Variants in HDAC4 observed in about 807,000 individuals in gnomAD.
HDAC4 encodes the protein histone deacetylase A.
A neutral mutation model predicts 135.1 loss-of-function variants in HDAC4; 16 were observed. The ratio of observed to expected loss-of-function variants is 0.12; its 90% CI spans 0.08 to 0.18. HDAC4 has a LOEUF of 0.18. Among genes scored for constraint, HDAC4 ranks in the 10% least tolerant of loss-of-function variants. HDAC4 has a pLI of 1.00. For missense variants in HDAC4, 1,143 were observed against 1,511.8 expected, an observed-to-expected ratio of 0.76 and a Z score of 4.05; for synonymous variants, 685 against 653.4, an observed-to-expected ratio of 1.05 and a Z score of -0.74.
chr2:239,074,818 C>A (rs940833995), intron 22 of HDAC4, among the ~76,000 whole-genome samples: 1 of 152,242 alleles, frequency 6.6e-6, no homozygotes, highest in Non-Finnish European at 1.5e-5. Flanking sequence ...TGTGCTTACC[C>A]TCCACGACTT....
intron 2 of HDAC4, among the ~76,000 whole-genome samples, chr2:239,305,756 CG>C (rs1388563911): frequency 6.6e-6 from 1 of 152,164 alleles, no homozygotes; most frequent in Non-Finnish European, 1.5e-5. Flanking sequence ...GGCCACGAAA[CG>C]TGTATTTCGA....
intron 3 of HDAC4, among the ~76,000 whole-genome samples, chr2:239,200,198 G>A (rs2045671162): frequency 2.0e-5 from 3 of 152,154 alleles, no homozygotes; most frequent in Admixed American, 2.0e-4. Context: ...GGACGGACAT[G>A]CGTGTTTGAC....
intron 1 of HDAC4, among the ~76,000 whole-genome samples, chr2:239,364,634 G>A (rs1003427963): frequency 6.6e-6 from 1 of 152,190 alleles, no homozygotes; most frequent in East Asian, 1.9e-4. Context: ...GTCAGCACCC[G>A]CATATCCCTC....
chr2:239,178,757 G>A (rs1167993982), intron 4 of HDAC4, among the ~76,000 whole-genome samples: 1 of 152,210 alleles, frequency 6.6e-6, no homozygotes, highest in Admixed American at 6.5e-5. Flanking sequence ...TACGGGATAA[G>A]CAGGCATCCT....
intron 3 of HDAC4, among the ~76,000 whole-genome samples, chr2:239,197,847 T>TTGTGTG (rs368801140): frequency 0.14 from 19,656 of 140,092 alleles, 1,481 homozygotes; most frequent in East Asian, 0.16. Flanking sequence ...CACTAAAAGT[T>TTGTGTG]TGTGTGTGTG....
intron 1 of HDAC4, among the ~76,000 whole-genome samples, chr2:239,371,739 T>G (rs1320641051): frequency 6.6e-6 from 1 of 152,182 alleles, no homozygotes; most frequent in Non-Finnish European, 1.5e-5. Context: ...GGATGGAGAC[T>G]GGAGCCTCTG....
At chr2:239,063,878 G>A (rs1468404802) in intron 24 of HDAC4, among the ~76,000 whole-genome samples, 2 of 152,222 alleles carry the variant, frequency 1.3e-5, no homozygotes, top group Admixed American at 1.3e-4. Flanking sequence ...CCCAAGTCTG[G>A]GTCAAGGCCC....
At chr2:239,061,379 GT>G (rs2032696885) in intron 24 of HDAC4, among the ~76,000 whole-genome samples, 1 of 151,802 alleles carries the variant, frequency 6.6e-6, no homozygotes, top group Non-Finnish European at 1.5e-5. Flanking sequence ...ACCTGTGTGG[GT>G]GTGCGTGTGT....
At chr2:239,380,160 A>T (rs1186764856) in intron 1 of HDAC4, among the ~76,000 whole-genome samples, 1 of 152,240 alleles carries the variant, frequency 6.6e-6, no homozygotes, top group Non-Finnish European at 1.5e-5. Flanking sequence ...AGAAAACAGC[A>T]CAATCAGTTC....
At chr2:239,300,847 A>G (rs1471830857) in intron 2 of HDAC4, among the ~76,000 whole-genome samples, 1 of 152,232 alleles carries the variant, frequency 6.6e-6, no homozygotes, top group Non-Finnish European at 1.5e-5. Context: ...GAAGGGAAAG[A>G]AGCTCGTTTT....
At chr2:239,317,272 G>A (rs1451787596) in intron 2 of HDAC4, among the ~76,000 whole-genome samples, 2 of 152,064 alleles carry the variant, frequency 1.3e-5, no homozygotes. Flanking sequence ...TGGCCTTTGT[G>A]AGGCTGGGCT....
At chr2:239,108,627 A>T (rs2038376397) in intron 14 of HDAC4, among the ~76,000 whole-genome samples, 1 of 152,200 alleles carries the variant, frequency 6.6e-6, no homozygotes, top group East Asian at 1.9e-4. Context: ...CTGGTCCTGG[A>T]CCAATAGTAA....
chr2:239,324,554 G>T (rs1215395783), intron 2 of HDAC4, among the ~76,000 whole-genome samples: 1 of 152,240 alleles, frequency 6.6e-6, no homozygotes, highest in East Asian at 1.9e-4. Flanking sequence ...ACCCGCTTCA[G>T]TGCAGCAGCC....
intron 2 of HDAC4, among the ~76,000 whole-genome samples, chr2:239,268,048 G>T (rs1386101849): frequency 6.6e-6 from 1 of 152,246 alleles, no homozygotes; most frequent in Non-Finnish European, 1.5e-5. Context: ...TCCAAATTAG[G>T]TCAAAGAGTT....
chr2:239,122,366 A>G (rs1280076728), intron 12 of HDAC4, among the ~76,000 whole-genome samples: 2 of 152,170 alleles, frequency 1.3e-5, no homozygotes, highest in African/African-American at 4.8e-5. Flanking sequence ...CTGGACACAC[A>G]TCACCCACTG....
At chr2:239,230,329 C>G (rs2047470053) in intron 3 of HDAC4, among the ~76,000 whole-genome samples, 1 of 137,184 alleles carries the variant, frequency 7.3e-6, no homozygotes, top group Non-Finnish European at 1.5e-5. Flanking sequence ...ACATTCTACA[C>G]TTCATTTTAC....
chr2:239,290,475 G>A (rs908779638), intron 2 of HDAC4, among the ~76,000 whole-genome samples: 12 of 152,116 alleles, frequency 7.9e-5, no homozygotes, highest in African/African-American at 1.2e-4. Flanking sequence ...GGAGACCCTA[G>A]GAGTCTTCCA....
chr2:239,163,423 C>A (rs574341402), intron 6 of HDAC4, among the ~76,000 whole-genome samples: 1 of 152,198 alleles, frequency 6.6e-6, no homozygotes. Context: ...ATGAGGACGG[C>A]CACCGTGTGA....
intron 1 of HDAC4, among the ~76,000 whole-genome samples, chr2:239,355,799 T>A (rs1410677205): frequency 6.6e-6 from 1 of 152,186 alleles, no homozygotes; most frequent in Non-Finnish European, 1.5e-5. Context: ...CCCTGTTCTG[T>A]GTTCACTTTA....
Sources: gnomAD v4.1 joint callset for allele counts (sites outside exome capture counted in the v4.1 genomes callset) on GRCh38, gnomAD v4.1.1 for gene constraint, MANE v1.5 for transcripts, NCBI Gene and HGNC (gene_info 2026-07-23, HGNC 2026-07-21) for gene names.